Variants in TBRG1 observed in about 807,000 individuals in gnomAD.
TBRG1 encodes the protein nuclear interactor of ARF and MDM2.
Under a neutral mutation model 44.0 loss-of-function variants are expected in TBRG1, and 31 were observed. That is an observed-to-expected ratio of 0.70 (90% CI 0.53 to 0.95). The LOEUF is 0.95. TBRG1 is among the 40% of genes least tolerant of loss of function. TBRG1 has a pLI of 0.00. For missense variants in TBRG1, 487 were observed against 496.1 expected (o/e 0.98, Z 0.18); for synonymous variants, 171 against 188.1 (o/e 0.91, Z 0.74).
intron 4 of TBRG1, 112 bp from the exon 5 acceptor site, chr11:124,626,792 G>T: frequency 6.6e-7 from 1 of 1,510,366 alleles, no homozygotes; most frequent in Non-Finnish European, 9.0e-7. Flanking sequence ...CTGTCTTTGT[G>T]TGATTTGTCA....
chr11:124,623,481 G>T (rs551637012), intron 1 of TBRG1: 4 of 582,140 alleles, frequency 6.9e-6, no homozygotes, highest in African/African-American at 5.5e-5. Context: ...TGCTTGGTGC[G>T]TAAAAGACAT....
chr11:124,630,689 A>G (rs1410724172), intron 6 of TBRG1, 56 bp from the exon 7 acceptor site: 2 of 1,299,714 alleles, frequency 1.5e-6, no homozygotes, highest in Admixed American at 1.9e-5. Context: ...CTGTTCTTAA[A>G]TCCATCTTCA....
At chr11:124,629,450 AT>A (rs1253640903) in intron 5 of TBRG1, among the ~76,000 whole-genome samples, 2 of 152,260 alleles carry the variant, frequency 1.3e-5, no homozygotes, top group African/African-American at 4.8e-5. Flanking sequence ...AAGGTATGCC[AT>A]TGGTTGAAAT....
At chr11:124,631,219 A>G (rs1942602784) in intron 7 of TBRG1, 56 bp from the exon 8 acceptor site, 2 of 1,480,598 alleles carry the variant, frequency 1.4e-6, no homozygotes, top group Admixed American at 2.4e-5. Context: ...AGTGATAGGA[A>G]TGGGTATTTA....
At chr11:124,623,484 A>G (rs1434127402) in intron 1 of TBRG1, 1 of 576,076 alleles carries the variant, frequency 1.7e-6, no homozygotes. Context: ...TTGGTGCGTA[A>G]AAGACATACC....
chr11:124,635,517 G>A lies in TBRG1; in HGVS notation c.*3279G>A, dbSNP rs1942710084. 6.6e-6 allele frequency: 1 copy of A among 152,036 alleles called. No individual in the cohort carries two copies. The highest frequency in any genetic ancestry group is 2.4e-5 in the African/African-American group (1 of 41,376). 9.4% of individuals were successfully genotyped at this position (152,036 alleles called of 1,614,324 possible). Reference sequence around the variant, plus strand: ...AAATTTCATTTTCACACAGTAAAAAGTTCCTAAATTGGGGGAAACATAGTG... The same window carrying A: ...AAATTTCATTTTCACACAGTAAAAAATTCCTAAATTGGGGGAAACATAGTG... On this transcript the variant is annotated 3_prime_UTR_variant, in exon 9 of 9. Coordinates refer to ENST00000441174, the MANE Select transcript of TBRG1 (RefSeq NM_032811.3).
At chr11:124,623,359 A>G in intron 1 of TBRG1, 126 bp downstream of exon 1, 2 of 1,080,228 alleles carry the variant, frequency 1.9e-6, no homozygotes, top group Non-Finnish European at 2.8e-6. Flanking sequence ...ATACGTTACT[A>G]CTTGTTAGCC....
At chr11:124,630,925 A>G (rs879048090) in intron 7 of TBRG1, 70 bp downstream of exon 7, 1 of 1,109,914 alleles carries the variant, frequency 9.0e-7, no homozygotes, top group South Asian at 1.3e-5. Context: ...GGCAGTTCCT[A>G]CTTTGTTCAC....
chr11:124,624,783 A>G, intron 1 of TBRG1, 148 bp from the exon 2 acceptor site: 1 of 629,080 alleles, frequency 1.6e-6, no homozygotes, highest in Non-Finnish European at 2.8e-6. Flanking sequence ...TTATCTATGG[A>G]TTTATTTATA....
At chr11:124,631,639 AG>A in intron 8 of TBRG1, 1 of 577,884 alleles carries the variant, frequency 1.7e-6, no homozygotes, top group Non-Finnish European at 3.1e-6. Context: ...ATAGTAAGGC[AG>A]GGTACCCCAG....
chr11:124,635,551 A>G lies in TBRG1; in HGVS notation c.*3313A>G, dbSNP rs930974981. 2.0e-5 allele frequency: 3 copies of G among 152,240 alleles called. No homozygotes were observed. Among genetic ancestry groups the G allele is most frequent in the Admixed American group, 6.5e-5 (1 of 15,284 alleles). The allele number at this position is 152,240 out of a possible 1,614,324, so 9.4% of individuals were successfully genotyped here. On this transcript the variant is annotated 3_prime_UTR_variant, in exon 9 of 9. Coordinates refer to ENST00000441174, the MANE Select transcript of TBRG1 (RefSeq NM_032811.3). ...TTGGGGGAAACATAGTGAATTCCAC[A>G]TAATGTTTTAAATTATTCAGCCACT...
Position 124,633,159 on chromosome 11 carries a change from T to C in TBRG1, c.*921T>C, listed in dbSNP as rs1942649620. ...CCTTTGTATTGCACCTCAGATAATG[T>C]GCTTTTTAGCTCAGTACACTGAAAC... On this transcript the variant is annotated 3_prime_UTR_variant, in exon 9 of 9. Transcript: ENST00000441174. The C allele has an allele frequency of 6.6e-6, 1 of 152,246 alleles. No individual in the cohort carries two copies. Among genetic ancestry groups the C allele is most frequent in the African/African-American group, 2.4e-5 (1 of 41,472 alleles). 9.4% of individuals were successfully genotyped at this position (152,246 alleles called of 1,614,324 possible). A position where few individuals can be genotyped will look rare whatever the true frequency, so the allele number is the denominator to read the frequency against.
In TBRG1 at chr11:124,626,987, G is replaced by A. The variant is rs1186857433; in HGVS notation, c.675G>A (p.Met225Ile). The change falls in exon 5 of 9, where the codon ATG becomes ATA. Residue 225 changes from methionine (M) to isoleucine (I), a missense_variant. By Grantham distance (10) the Met-to-Ile change is conservative (BLOSUM62 1). Coordinates refer to ENST00000441174, the MANE Select transcript of TBRG1 (RefSeq NM_032811.3). Reference sequence around the variant, plus strand: ...GCAGTACTCGAATATATGCCAGCATGAAGTGCCCAGACCAGAAGTGTCTAT... The same window carrying A: ...GCAGTACTCGAATATATGCCAGCATAAAGTGCCCAGACCAGAAGTGTCTAT... ...GYCSTRIYAS[M>I]KCPDQKCLYT... 1 of 1,577,780 alleles carries A rather than the reference G, an allele frequency of 6.3e-7. No homozygotes were observed. Among genetic ancestry groups the A allele is most frequent in the South Asian group, 1.2e-5 (1 of 86,090 alleles).
At chr11:124,630,141 C>T (rs1565401394) in intron 5 of TBRG1, 2 of 413,094 alleles carry the variant, frequency 4.8e-6, no homozygotes, top group East Asian at 4.8e-5. Flanking sequence ...AGGTACACAA[C>T]AAATTAAACG....
At position 124,626,898 on chromosome 11, in the gene TBRG1, T is replaced by C. The variant is rs770455960; in HGVS notation, c.592-6T>C. 6.2e-7 allele frequency: 1 copy of C among 1,603,608 alleles called. No homozygotes were observed. Among genetic ancestry groups the C allele is most frequent in the Non-Finnish European group, 8.5e-7 (1 of 1,174,504 alleles). On this transcript the variant is annotated splice_polypyrimidine_tract_variant and splice_region_variant and intron_variant, in intron 4 of 8. Coordinates refer to ENST00000441174, the MANE Select transcript of TBRG1 (RefSeq NM_032811.3). The stretch of plus-strand genomic sequence containing the variant: ...CAATCCCAGGTTGGGGGAATGTTTT[T>C]TATAGATCATCACCGACCGACCTGG...
At position 124,631,407 on chromosome 11, in the gene TBRG1, C is replaced by T. The variant is rs146832539; in HGVS notation, c.1080C>T (p.Pro360=). ...RQIFDEDQND[P]LLPGSLDLPE... ...TCTTTGATGAAGATCAGAATGATCC[C>T]CTTCTGCCAGGTATCTTTAACTTTA... The change falls in exon 8 of 9, where the codon CCC becomes CCT. Residue 360 remains proline, a synonymous_variant. Transcript: ENST00000441174. 12 of 1,613,886 alleles carry T rather than the reference C, an allele frequency of 7.4e-6. No individual in the cohort carries two copies. In the African/African-American group the frequency reaches 1.3e-4, roughly 18 times the overall value.
At chr11:124,626,730 T>C in intron 4 of TBRG1, 121 bp downstream of exon 4, 1 of 1,420,082 alleles carries the variant, frequency 7.0e-7, no homozygotes, top group Non-Finnish European at 9.7e-7. Context: ...CCCCAGCGTA[T>C]CTCCAGTCCC....
At position 124,634,286 on chromosome 11, in the gene TBRG1, G is replaced by T; in HGVS notation, c.*2048G>T. The T allele has an allele frequency of 6.6e-6, 1 of 152,480 alleles. No individual in the cohort carries two copies. Among genetic ancestry groups the T allele is most frequent in the Non-Finnish European group, 1.5e-5 (1 of 68,176 alleles). The allele number at this position is 152,480 out of a possible 1,614,324, so 9.4% of individuals were successfully genotyped here. A position where few individuals can be genotyped will look rare whatever the true frequency, so the allele number is the denominator to read the frequency against. On this transcript the variant is annotated 3_prime_UTR_variant, in exon 9 of 9. Coordinates refer to ENST00000441174, the MANE Select transcript of TBRG1 (RefSeq NM_032811.3). ...GGAGGCAGAGGTTGCAGTGAGCCGA[G>T]ACCGCGCCACTGCACTCCAGCCTGG...
chr11:124,626,647 G>A (rs1942478416), intron 4 of TBRG1, 38 bp downstream of exon 4: 1 of 1,549,912 alleles, frequency 6.5e-7, no homozygotes, highest in South Asian at 1.2e-5. Context: ...GGAGAATCAG[G>A]GAAATACGGG....
Sources: allele counts gnomAD v4.1 joint callset (sites outside exome capture counted in the v4.1 genomes callset), GRCh38; gene constraint gnomAD v4.1.1; transcripts MANE v1.5; gene names NCBI Gene and HGNC (gene_info 2026-07-23, HGNC 2026-07-21).